Variants in MROH7 observed in about 807,000 individuals in gnomAD.
The protein encoded by MROH7 is maestro heat-like repeat-containing protein family member 7.
A neutral mutation model predicts 129.2 loss-of-function variants in MROH7; 113 were observed. That is an observed-to-expected ratio of 0.87 (90% CI 0.75 to 1.02). The LOEUF is 1.02. MROH7 is among the 50% of genes least tolerant of loss of function. The pLI, the probability that MROH7 is intolerant of heterozygous loss-of-function variation, is 0.00. For synonymous variants in MROH7, 655 were observed against 667.9 expected (o/e 0.98, Z 0.30); for missense variants, 1,601 against 1,671.3 (o/e 0.96, Z 0.73).
At position 54,668,850 on chromosome 1, in the gene MROH7, C is replaced by A. The variant is rs1216813957; in HGVS notation, c.1306-4C>A. 1.2e-6 allele frequency: 2 copies of A among 1,613,150 alleles called. No individual in the cohort carries two copies. Among genetic ancestry groups the A allele is most frequent in the Admixed American group, 1.7e-5 (1 of 59,994 alleles). ...CTGAGGTTTTGCCCTCTGCTGTCCC[C>A]TAGGTTGAGAATGTCACCACCCTTC... On this transcript the variant is annotated splice_polypyrimidine_tract_variant and splice_region_variant and intron_variant, in intron 4 of 23. Coordinates refer to ENST00000421030, the MANE Select transcript of MROH7 (RefSeq NM_001039464.4).
chr1:54,660,838 A>G (rs530831228), intron 3 of MROH7, among the ~76,000 whole-genome samples: 18 of 152,260 alleles, frequency 1.2e-4, no homozygotes, highest in African/African-American at 4.1e-4. Context: ...AAAAAAGAAA[A>G]AAAAGAGAAA....
intron 1 of MROH7, among the ~76,000 whole-genome samples, chr1:54,649,738 T>C (rs555727016): frequency 6.6e-6 from 1 of 152,356 alleles, no homozygotes; most frequent in African/African-American, 2.4e-5. Flanking sequence ...ACTATGGTCC[T>C]GTGTGTGTGC....
chr1:54,706,822 T>C (rs1401402625), intron 22 of MROH7, among the ~76,000 whole-genome samples: 2 of 152,174 alleles, frequency 1.3e-5, no homozygotes, highest in Non-Finnish European at 1.5e-5. Flanking sequence ...GAGTACAGCA[T>C]GGGTACAAGC....
At chr1:54,688,959 G>A (rs1378383300) in intron 15 of MROH7, among the ~76,000 whole-genome samples, 1 of 152,212 alleles carries the variant, frequency 6.6e-6, no homozygotes, top group East Asian at 1.9e-4. Flanking sequence ...CCTCACCTCA[G>A]TGTCTCAGAA....
intron 17 of MROH7, 75 bp downstream of exon 17, chr1:54,695,565 A>G (rs772095268): frequency 1.2e-4 from 110 of 880,136 alleles, no homozygotes; most frequent in Middle Eastern, 4.2e-4. Flanking sequence ...CATTTCTCCT[A>G]TGTAAACAGT....
intron 15 of MROH7, among the ~76,000 whole-genome samples, chr1:54,687,052 A>G (rs1645159505): frequency 1.2e-5 from 1 of 83,574 alleles, no homozygotes; most frequent in South Asian, 4.1e-4. Flanking sequence ...CTCCTTATTT[A>G]TTTATTTATT....
At chr1:54,678,897 A>G (rs1645023731) in intron 11 of MROH7, 43 bp downstream of exon 11, 1 of 1,474,330 alleles carries the variant, frequency 6.8e-7, no homozygotes, top group Non-Finnish European at 9.5e-7. Flanking sequence ...GTGGGGGGTG[A>G]GGAGGGGCAG....
rs772525490 is a variant in MROH7 at position 54,702,165 on chromosome 1, C to G, written c.3361C>G (p.Gln1121Glu). 31 of 1,610,078 alleles carry G rather than the reference C, an allele frequency of 1.9e-5. No homozygotes were observed. The highest frequency in any genetic ancestry group is 2.0e-5 in the Non-Finnish European group (23 of 1,178,476). ...VVQKLRAPRTQAMEEQLVSTL... is the reference protein window; with the variant it reads ...VVQKLRAPRTEAMEEQLVSTL... Reference sequence around the variant, plus strand: ...CCAGAAGCTTCGGGCACCACGCACTCAGGCCATGGAGGAGCAGCTGGTCAG... The same window carrying G: ...CCAGAAGCTTCGGGCACCACGCACTGAGGCCATGGAGGAGCAGCTGGTCAG... The change falls in exon 20 of 24, where the codon CAG (glutamine) becomes GAG (glutamate). Residue 1121 changes from glutamine to glutamate, a missense_variant. Gln to Glu is a conservative substitution (Grantham distance 29, BLOSUM62 2). Transcript: ENST00000421030.
At chr1:54,655,502 C>G (rs914077998) in intron 3 of MROH7, among the ~76,000 whole-genome samples, 1 of 152,018 alleles carries the variant, frequency 6.6e-6, no homozygotes, top group Admixed American at 6.6e-5. Flanking sequence ...TCCCGAGTAG[C>G]TAGGACTACA....
In MROH7 at chr1:54,679,957, G is replaced by T. The variant is rs1645043157; in HGVS notation, c.2293G>T (p.Val765Leu). ...SHIQEPRARQ[V>L]ALLPVSLLAS... ...CATCCAGGAGCCTCGGGCCCGCCAG[G>T]TGGCCCTGCTGCCCGTCTCCCTCCT... Residue 765 changes from valine (V) to leucine (L), a missense_variant, in exon 13 of 24, where the codon GTG becomes TTG. Val to Leu is a conservative substitution (Grantham distance 32, BLOSUM62 1). Coordinates refer to ENST00000421030, the MANE Select transcript of MROH7 (RefSeq NM_001039464.4). 6.2e-7 allele frequency: 1 copy of T among 1,613,972 alleles called. No individual in the cohort carries two copies.
intron 5 of MROH7, among the ~76,000 whole-genome samples, chr1:54,669,697 A>G (rs950018731): frequency 6.6e-6 from 1 of 152,188 alleles, no homozygotes; most frequent in African/African-American, 2.4e-5. Context: ...CTAATTCTGT[A>G]TCTTAAAGAA....
intron 6 of MROH7, 39 bp from the exon 7 acceptor site, chr1:54,670,761 T>C (rs1644887291): frequency 6.6e-7 from 1 of 1,521,598 alleles, no homozygotes; most frequent in East Asian, 2.6e-5. Flanking sequence ...ATAGGGCCCC[T>C]CTCTCACTCC....
At chr1:54,689,656 C>T (rs1569958691) in intron 15 of MROH7, among the ~76,000 whole-genome samples, 1 of 152,318 alleles carries the variant, frequency 6.6e-6, no homozygotes, top group South Asian at 2.1e-4. Flanking sequence ...GAGAGCTTGT[C>T]CTGTGAAGCC....
intron 1 of MROH7, among the ~76,000 whole-genome samples, chr1:54,645,148 A>C (rs913434310): frequency 1.3e-5 from 2 of 152,164 alleles, no homozygotes; most frequent in Non-Finnish European, 2.9e-5. Context: ...ATCCTTGTCA[A>C]AAATTCCAAC....
Position 54,653,209 on chromosome 1 carries a change from C to A in MROH7, c.283C>A (p.Gln95Lys). Residue 95 changes from glutamine (Q) to lysine (K), a missense_variant, in exon 3 of 24, where the codon CAG (glutamine) becomes AAG (lysine). By Grantham distance (53) the Gln-to-Lys change is moderately conservative. Coordinates refer to ENST00000421030, the MANE Select transcript of MROH7 (RefSeq NM_001039464.4). ...DSRAIAPASL[Q>K]ITSSCSGEAL... Reference sequence around the variant, plus strand: ...CAGAGCTATCGCTCCAGCCTCCCTCCAGATCACCAGTTCTTGTTCTGGTGA... The same window carrying A: ...CAGAGCTATCGCTCCAGCCTCCCTCAAGATCACCAGTTCTTGTTCTGGTGA... 1 of 1,614,194 alleles carries A rather than the reference C, an allele frequency of 6.2e-7. No homozygotes were observed. Among genetic ancestry groups the A allele is most frequent in the Non-Finnish European group, 8.5e-7 (1 of 1,180,026 alleles).
At chr1:54,675,100 C>G (rs1469526496) in intron 10 of MROH7, among the ~76,000 whole-genome samples, 2 of 152,108 alleles carry the variant, frequency 1.3e-5, no homozygotes, top group Non-Finnish European at 2.9e-5. Flanking sequence ...CTCAGCCTCC[C>G]CAGTAGCTGG....
chr1:54,672,839 T>A (rs1468524207), intron 7 of MROH7, among the ~76,000 whole-genome samples: 1 of 152,156 alleles, frequency 6.6e-6, no homozygotes, highest in Non-Finnish European at 1.5e-5. Flanking sequence ...ATATGCTGGA[T>A]CTCCGCTTCC....
rs1644578686 is a variant in MROH7, at chr1:54,652,899, C to A, written c.-28C>A. On this transcript the variant is annotated 5_prime_UTR_variant, in exon 3 of 24. In the 5' UTR this introduces an upstream ATG that the reference lacks. Coordinates refer to ENST00000421030, the MANE Select transcript of MROH7 (RefSeq NM_001039464.4). ...GTTGGCTGTTGGAGAGAAGCGGGCACTGGCATTGAGAGACCTCCAGACTGG... is the reference window on the plus strand; with the variant it reads ...GTTGGCTGTTGGAGAGAAGCGGGCAATGGCATTGAGAGACCTCCAGACTGG... 6.5e-7 allele frequency: 1 copy of A among 1,532,654 alleles called. No homozygotes were observed. The highest frequency in any genetic ancestry group is 1.3e-5 in the South Asian group (1 of 77,008). 94.9% of individuals were successfully genotyped at this position (1,532,654 alleles called of 1,614,324 possible).
At chr1:54,666,772 C>T (rs567019296) in intron 4 of MROH7, among the ~76,000 whole-genome samples, 3 of 151,992 alleles carry the variant, frequency 2.0e-5, no homozygotes, top group Admixed American at 1.3e-4. Context: ...TGTTGAGGAG[C>T]AATAAGGGAT....
Sources: gnomAD v4.1 joint callset for allele counts (sites outside exome capture counted in the v4.1 genomes callset) on GRCh38, gnomAD v4.1.1 for gene constraint, MANE v1.5 for transcripts, NCBI Gene and HGNC (gene_info 2026-07-23, HGNC 2026-07-21) for gene names.